Variants in INF2 observed in about 807,000 individuals in gnomAD.
INF2 encodes the protein inverted formin-2.
In INF2, 43 loss-of-function variants were observed where a neutral mutation model predicts 123.5. The ratio of observed to expected loss-of-function variants is 0.35; its 90% CI spans 0.27 to 0.45. INF2 has a LOEUF of 0.45. INF2 is among the 20% of genes least tolerant of loss of function. INF2 has a pLI of 1.00. For synonymous variants in INF2, 851 were observed against 745.0 expected (o/e 1.14, Z -2.32); for missense variants, 1,453 against 1,682.7 (o/e 0.86, Z 2.39).
intron 20 of INF2, 27 bp from the exon 21 acceptor site, chr14:104,714,176 C>T: frequency 6.8e-7 from 1 of 1,471,178 alleles, no homozygotes; most frequent in Non-Finnish European, 9.0e-7. Context: ...GGGTGCCTGC[C>T]CTTCACTGGT....
intron 1 of INF2, among the ~76,000 whole-genome samples, chr14:104,692,818 C>A (rs1889018551): frequency 1.3e-5 from 2 of 152,250 alleles, no homozygotes; most frequent in African/African-American, 4.8e-5. Context: ...AGGGCAAGGG[C>A]CAAGGCTGCT....
upstream of INF2, chr14:104,689,594 G>GGC: frequency 4.0e-6 from 1 of 251,140 alleles, no homozygotes; most frequent in Non-Finnish European, 5.5e-6. Flanking sequence ...TCTTCCTCCC[G>GGC]CCCGCCCCGC....
exon 1 of INF2, chr14:104,681,304 C>T: frequency 5.0e-6 from 2 of 399,870 alleles, no homozygotes; most frequent in Non-Finnish European, 1.0e-5. Flanking sequence ...TAAAGCACTG[C>T]CAGCGAAAGG....
rs372658371 is a variant in INF2 at position 104,718,761 on chromosome 14, C to T, written c.*2-34C>T. ...CCTGATATTGTACCCAGCAAAACTG[C>T]TCCTAATAATGTCATTTTTTCTCTC... is the stretch of plus-strand genomic sequence containing the variant. On this transcript the variant is annotated intron_variant, in intron 22 of 22. Transcript: ENST00000392634. 58 of 1,611,548 alleles carry T rather than the reference C, an allele frequency of 3.6e-5. No homozygotes were observed. The African/African-American group carries it at 5.6e-4, about 16-fold the overall frequency.
In INF2 at chr14:104,714,226, G is replaced by T; in HGVS notation, c.3064G>T (p.Asp1022Tyr). ...AGTGGCCACCAGTAACCCTGCAGGA[G>T]ATCCCGTGGGCAGCACGCGCTGTCC... Reference protein sequence around the residue: ...EPVATSNPAGDPVGSTRCPAS... With the variant: ...EPVATSNPAGYPVGSTRCPAS... Residue 1022 changes from aspartate to tyrosine, a missense_variant, in exon 21 of 23, where the codon GAT (aspartate) becomes TAT (tyrosine). Coordinates refer to ENST00000392634, the MANE Select transcript of INF2 (RefSeq NM_022489.4). 1 of 1,552,866 alleles carries T rather than the reference G, an allele frequency of 6.4e-7. No homozygotes were observed.
rs780516674 is a variant in INF2 at position 104,703,438 on chromosome 14, G to A, written c.651G>A (p.Leu217=). ...GPEDLRARTQ[L]RNEFIGLQLL... ...AGGACCTGCGCGCGCGCACCCAGCTGCGGAACGAGTTTATCGGTAAGCACC... is the reference window on the plus strand; with the variant it reads ...AGGACCTGCGCGCGCGCACCCAGCTACGGAACGAGTTTATCGGTAAGCACC... Residue 217 remains leucine, a synonymous_variant, in exon 4 of 23, where the codon CTG becomes CTA. Transcript: ENST00000392634. 4.0e-5 allele frequency: 65 copies of A among 1,612,382 alleles called. No homozygotes were observed. The Admixed American group carries it at 1.1e-3, about 26-fold the overall frequency.
chr14:104,714,943 A>G lies in INF2; in HGVS notation c.3694+87A>G, dbSNP rs1009088791. 5.2e-6 allele frequency: 7 copies of G among 1,354,326 alleles called. No homozygotes were observed. In the African/African-American group the frequency reaches 8.8e-5, roughly 17 times the overall value. The allele number at this position is 1,354,326 out of a possible 1,614,324, so 83.9% of individuals were successfully genotyped here. On this transcript the variant is annotated intron_variant, in intron 21 of 22. Coordinates refer to ENST00000392634, the MANE Select transcript of INF2 (RefSeq NM_022489.4). ...CTCCCCTTCCCCATTGGGCACTGCA[A>G]GTTCCAGCGGCACCCAGGAGAGGTG...
intron 1 of INF2, among the ~76,000 whole-genome samples, chr14:104,682,490 G>A (rs1369517561): frequency 6.6e-6 from 1 of 152,208 alleles, no homozygotes; most frequent in Non-Finnish European, 1.5e-5. Context: ...CCAGGAGGCG[G>A]GAGGGCGGCA....
chr14:104,702,449 C>T (rs145971970), intron 2 of INF2, among the ~76,000 whole-genome samples: 218 of 147,898 alleles, frequency 1.5e-3, no homozygotes, highest in African/African-American at 5.4e-3. Flanking sequence ...AAGTTAGTCC[C>T]GGTCCCTTGA....
In INF2 at chr14:104,711,736, G is replaced by A. The variant is rs1315814833; in HGVS notation, c.2489+37G>A. 4.4e-6 allele frequency: 7 copies of A among 1,599,834 alleles called. No homozygotes were observed. In the African/African-American group the frequency reaches 8.0e-5, roughly 18 times the overall value. On this transcript the variant is annotated intron_variant, in intron 16 of 22. Coordinates refer to ENST00000392634, the MANE Select transcript of INF2 (RefSeq NM_022489.4). ...CTGCCAGCCCGCCCACCTCAGCCAGGTGGGGGCCTGACTTCTGTCCCCAGG... is the reference window on the plus strand; with the variant it reads ...CTGCCAGCCCGCCCACCTCAGCCAGATGGGGGCCTGACTTCTGTCCCCAGG...
rs899450753 is a variant in INF2 at position 104,718,946 on chromosome 14, C to T, written c.*153C>T. The T allele has an allele frequency of 9.1e-6, 13 of 1,435,090 alleles. No individual in the cohort carries two copies. Among genetic ancestry groups the T allele is most frequent in the Admixed American group, 2.9e-5 (1 of 35,018 alleles). 88.9% of individuals were successfully genotyped at this position (1,435,090 alleles called of 1,614,324 possible). Reference sequence around the variant, plus strand: ...TACCCAGCCGGGGCCCTCCTGGAGCCTTCTTGGGGTGTTGTGGCTGGGAAC... The same window carrying T: ...TACCCAGCCGGGGCCCTCCTGGAGCTTTCTTGGGGTGTTGTGGCTGGGAAC... On this transcript the variant is annotated 3_prime_UTR_variant, in exon 23 of 23. Transcript: ENST00000392634.
chr14:104,706,240 A>G, intron 6 of INF2, 64 bp downstream of exon 6: 1 of 1,480,950 alleles, frequency 6.8e-7, no homozygotes, highest in Admixed American at 2.0e-5. Flanking sequence ...TGAGGTCCAG[A>G]GGCTGGGCCT....
intron 22 of INF2, among the ~76,000 whole-genome samples, chr14:104,717,209 C>T (rs1032975193): frequency 5.9e-5 from 9 of 152,092 alleles, no homozygotes; most frequent in African/African-American, 1.9e-4. Flanking sequence ...AGAGCACAGC[C>T]GTCTTCCTCA....
intron 7 of INF2, 62 bp downstream of exon 7, chr14:104,707,113 A>C: frequency 6.6e-7 from 1 of 1,522,794 alleles, no homozygotes; most frequent in Non-Finnish European, 8.8e-7. Flanking sequence ...GTCTTAGACC[A>C]TGGGGGGGGG....
chr14:104,695,606 C>A (rs1238453615), intron 1 of INF2, among the ~76,000 whole-genome samples: 3 of 152,136 alleles, frequency 2.0e-5, no homozygotes, highest in African/African-American at 7.2e-5. Flanking sequence ...CCCCTCCTCC[C>A]AGTGAGCCGG....
In INF2 at chr14:104,707,703, C is replaced by T. The variant is rs1203712573; in HGVS notation, c.1436C>T (p.Pro479Leu). The T allele has an allele frequency of 4.1e-6, 5 of 1,214,034 alleles. No individual in the cohort carries two copies. Among genetic ancestry groups the T allele is most frequent in the Non-Finnish European group, 3.5e-6 (3 of 858,024 alleles). The allele number at this position is 1,214,034 out of a possible 1,614,324, so 75.2% of individuals were successfully genotyped here. ...CCCCCAGCACCTCCTCTACCACCACCCCTGCCAGGCTCCTGTGAGTTCCTG... is the reference window on the plus strand; with the variant it reads ...CCCCCAGCACCTCCTCTACCACCACTCCTGCCAGGCTCCTGTGAGTTCCTG... ...MAPPAPPLPP[P>L]LPGSCEFLPP... is the part of the protein sequence containing the mutation. The change falls in exon 8 of 23, where the codon CCC becomes CTC. Residue 479 changes from proline to leucine, a missense_variant. Coordinates refer to ENST00000392634, the MANE Select transcript of INF2 (RefSeq NM_022489.4).
intron 22 of INF2, chr14:104,715,626 G>A (rs1308808889): frequency 1.4e-5 from 8 of 589,644 alleles, no homozygotes; most frequent in Non-Finnish European, 2.1e-5. Context: ...AGGGCCAGCC[G>A]GACTCCCTTA....
Position 104,715,511 on chromosome 14 carries a change from A to G in INF2, c.*1+171A>G, listed in dbSNP as rs4247030. On this transcript the variant is annotated intron_variant, in intron 22 of 22. Transcript: ENST00000392634. ...GCCCTGGTGGTGGGCTTCCCGCCCC[A>G]TCCCCTCCCTCTCCGCAGGTTACCT... is the stretch of plus-strand genomic sequence containing the variant. Among the ~76,000 whole-genome samples the G allele has an allele frequency of 0.82, 124,034 of 152,070 alleles. 51,023 individuals are homozygous for G. The highest frequency in any genetic ancestry group is 0.93 in the East Asian group (4,782 of 5,146).
rs890153731 is a variant in INF2 at position 104,706,232 on chromosome 14, A to C, written c.843+56A>C. The C allele has an allele frequency of 6.7e-5, 101 of 1,503,814 alleles. No homozygotes were observed. The African/African-American group carries it at 1.2e-3, about 18-fold the overall frequency. 93.2% of individuals were successfully genotyped at this position (1,503,814 alleles called of 1,614,324 possible). A position where few individuals can be genotyped will look rare whatever the true frequency, so the allele number is the denominator to read the frequency against. ...CCCTCCAGGGCAGGCTGTGGCCCTG[A>C]GGTCCAGAGGCTGGGCCTGGAACGG... is the stretch of plus-strand genomic sequence containing the variant. On this transcript the variant is annotated intron_variant, in intron 6 of 22. Coordinates refer to ENST00000392634, the MANE Select transcript of INF2 (RefSeq NM_022489.4).
Sources: allele counts gnomAD v4.1 joint callset (sites outside exome capture counted in the v4.1 genomes callset), GRCh38; gene constraint gnomAD v4.1.1; transcripts MANE v1.5; gene names NCBI Gene and HGNC (gene_info 2026-07-23, HGNC 2026-07-21).